POT1: variants seen among roughly 807,000 people sequenced by gnomAD.
The protein encoded by POT1 is protection of telomeres 1.
In POT1, 47 loss-of-function variants were observed where a neutral mutation model predicts 78.5. That is an observed-to-expected ratio of 0.60 (90% CI 0.47 to 0.76). The LOEUF (loss-of-function observed/expected upper bound fraction) is 0.76. Among genes scored for constraint, POT1 ranks in the 30% least tolerant of loss-of-function variants. POT1 has a pLI of 0.00. For synonymous variants in POT1, 259 were observed against 260.7 expected, an observed-to-expected ratio of 0.99 and a Z score of 0.06; for missense variants, 646 against 749.9, an observed-to-expected ratio of 0.86 and a Z score of 1.62.
At chr7:124,893,533 A>T (rs1796421509) in intron 5 of POT1, among the ~76,000 whole-genome samples, 1 of 151,482 alleles carries the variant, frequency 6.6e-6, no homozygotes, top group Admixed American at 6.6e-5. Context: ...ACTTGCTGAG[A>T]TACTACTGAA....
At chr7:124,852,941 T>C in intron 10 of POT1, 31 bp downstream of exon 10, 1 of 1,590,578 alleles carries the variant, frequency 6.3e-7, no homozygotes, top group Non-Finnish European at 8.6e-7. Context: ...ATCGATACCT[T>C]ATTTACATTT....
intron 14 of POT1, among the ~76,000 whole-genome samples, chr7:124,840,109 A>T (rs1196295198): frequency 6.6e-6 from 1 of 151,908 alleles, no homozygotes; most frequent in Non-Finnish European, 1.5e-5. Context: ...CAGTATCAAC[A>T]TCCTCTACCA....
intron 2 of POT1, among the ~76,000 whole-genome samples, chr7:124,921,781 C>G (rs1797156622): frequency 6.6e-6 from 1 of 152,016 alleles, no homozygotes; most frequent in African/African-American, 2.4e-5. Context: ...TCTCAGAGAT[C>G]CGTGTTACAG....
intron 5 of POT1, among the ~76,000 whole-genome samples, chr7:124,896,620 C>A (rs1351052285): frequency 6.6e-6 from 1 of 151,678 alleles, no homozygotes; most frequent in Non-Finnish European, 1.5e-5. Context: ...TCCAGTTTCA[C>A]TCGGCTACAA....
chr7:124,919,341 TC>T (rs1797091793), intron 2 of POT1, among the ~76,000 whole-genome samples: 1 of 152,146 alleles, frequency 6.6e-6, no homozygotes, highest in African/African-American at 2.4e-5. Context: ...CTGCCTGTAT[TC>T]TAGAAATCCT....
In POT1 at chr7:124,849,568, C is replaced by A. The variant is rs539358251; in HGVS notation, c.949+2304G>T. 2.6e-5 allele frequency among the ~76,000 whole-genome samples: 4 copies of A among 152,230 alleles called. No homozygotes were observed. In the South Asian group the frequency reaches 8.3e-4, roughly 32 times the overall value. ...ATTTCTATGACCTTTGGTAAATAATCTGGCAGCATCTATTAAAAAATGTGC... is the reference window on the plus strand; with the variant it reads ...ATTTCTATGACCTTTGGTAAATAATATGGCAGCATCTATTAAAAAATGTGC... On this transcript the variant is annotated intron_variant, in intron 11 of 18. Coordinates refer to ENST00000357628, the MANE Select transcript of POT1 (RefSeq NM_015450.3).
At chr7:124,842,739 T>G (rs1000346445) in intron 13 of POT1, 68 bp downstream of exon 13, 5 of 1,277,700 alleles carry the variant, frequency 3.9e-6, no homozygotes, top group Non-Finnish European at 4.2e-6. Context: ...AGACACAAAA[T>G]TATACATATG....
At chr7:124,860,342 T>TG (rs890496618) in intron 8 of POT1, among the ~76,000 whole-genome samples, 1 of 152,174 alleles carries the variant, frequency 6.6e-6, no homozygotes, top group Non-Finnish European at 1.5e-5. Context: ...AAGTATTTTA[T>TG]GGTGACATTT....
At chr7:124,872,878 T>C (rs1795904421) in intron 6 of POT1, among the ~76,000 whole-genome samples, 1 of 152,258 alleles carries the variant, frequency 6.6e-6, no homozygotes, top group Admixed American at 6.5e-5. Flanking sequence ...TTCTTTTTGA[T>C]AACAGCTATC....
chr7:124,853,708 A>G (rs1461230098), intron 9 of POT1, among the ~76,000 whole-genome samples: 1 of 124,676 alleles, frequency 8.0e-6, no homozygotes, highest in East Asian at 2.2e-4. Context: ...AGTGTGAAAC[A>G]CTCCTTGAGT....
At chr7:124,861,539 AT>A (rs1795597748) in intron 8 of POT1, among the ~76,000 whole-genome samples, 1 of 98,316 alleles carries the variant, frequency 1.0e-5, no homozygotes, top group Non-Finnish European at 2.3e-5. Flanking sequence ...ATTTTCTCCC[AT>A]TCTGTAGGTT....
chr7:124,875,936 T>A (rs947872759), intron 6 of POT1, among the ~76,000 whole-genome samples: 2 of 152,138 alleles, frequency 1.3e-5, no homozygotes, highest in African/African-American at 4.8e-5. Context: ...GGCATGGAAG[T>A]GGATATGCAG....
intron 6 of POT1, among the ~76,000 whole-genome samples, chr7:124,890,496 T>C (rs1364514911): frequency 6.6e-6 from 1 of 151,876 alleles, no homozygotes; most frequent in Admixed American, 6.6e-5. Flanking sequence ...TAAAATACTA[T>C]CAAACAGCAT....
At chr7:124,911,466 A>C (rs528446929) in intron 3 of POT1, among the ~76,000 whole-genome samples, 61 of 152,302 alleles carry the variant, frequency 4.0e-4, no homozygotes, top group Non-Finnish European at 8.7e-4. Context: ...ACTATATTTC[A>C]ATCAATATTT....
At chr7:124,835,526 A>C (rs1271896152) in intron 14 of POT1, 112 bp from the exon 15 acceptor site, 1 of 1,168,032 alleles carries the variant, frequency 8.6e-7, no homozygotes, top group African/African-American at 1.6e-5. Context: ...TTGACAGAAA[A>C]AGACAATGAA....
At chr7:124,866,547 A>T (rs1470532648) in intron 7 of POT1, among the ~76,000 whole-genome samples, 1 of 152,132 alleles carries the variant, frequency 6.6e-6, no homozygotes, top group African/African-American at 2.4e-5. Context: ...ACCCTGGTGG[A>T]CTTTTAGACA....
At chr7:124,830,293 T>C (rs781385778) in intron 15 of POT1, among the ~76,000 whole-genome samples, 1 of 152,152 alleles carries the variant, frequency 6.6e-6, no homozygotes, top group Non-Finnish European at 1.5e-5. Flanking sequence ...ATCATCATAA[T>C]GTTTATGAGA....
chr7:124,892,190 G>T, intron 6 of POT1, 76 bp downstream of exon 6: 5 of 853,068 alleles, frequency 5.9e-6, no homozygotes, highest in Non-Finnish European at 9.1e-6. Context: ...CTAGGACTTA[G>T]GGTACAGATG....
At chr7:124,861,244 T>C (rs1445900051) in intron 8 of POT1, among the ~76,000 whole-genome samples, 1 of 152,196 alleles carries the variant, frequency 6.6e-6, no homozygotes, top group Non-Finnish European at 1.5e-5. Context: ...GCGCTCCTTT[T>C]TCTCCACATC....
Sources: gnomAD v4.1 joint callset for allele counts (sites outside exome capture counted in the v4.1 genomes callset) on GRCh38, gnomAD v4.1.1 for gene constraint, MANE v1.5 for transcripts, NCBI Gene and HGNC (gene_info 2026-07-23, HGNC 2026-07-21) for gene names.